AKR1C3: variants seen among roughly 807,000 people sequenced by gnomAD.
AKR1C3 encodes the protein aldo-keto reductase family 1 member C3.
In AKR1C3, 48 loss-of-function variants were observed where a neutral mutation model predicts 43.6. That is an observed-to-expected ratio of 1.10 (90% CI 0.87 to 1.40). The LOEUF is 1.40. Among genes scored for constraint, AKR1C3 ranks in the 40% most tolerant of loss-of-function variants. The pLI is 0.00. For synonymous variants in AKR1C3, 162 were observed against 139.6 expected (o/e 1.16, Z -1.13); for missense variants, 482 against 391.2 (o/e 1.23, Z -1.96).
chr10:5,082,402 A>G (rs1289500608), intron 1 of AKR1C3, among the ~76,000 whole-genome samples: 1 of 152,130 alleles, frequency 6.6e-6, no homozygotes, highest in East Asian at 1.9e-4. Context: ...TCTCCATGCA[A>G]TATGACATTG....
Position 5,098,449 on chromosome 10 carries a change from G to A in AKR1C3, c.370-353G>A, listed in dbSNP as rs149811461. 1.6e-3 allele frequency among the ~76,000 whole-genome samples: 247 copies of A among 152,264 alleles called. 2 individuals are homozygous for A. The highest frequency in any genetic ancestry group is 5.7e-3 in the African/African-American group (238 of 41,544). On this transcript the variant is annotated intron_variant, in intron 3 of 8. Coordinates refer to ENST00000380554, the MANE Select transcript of AKR1C3 (RefSeq NM_003739.6). The stretch of plus-strand genomic sequence containing the variant: ...GGTCTGATAATCCTACCGTGTACAA[G>A]AGTACAATCCATTATTTTTGGATAT...
intron 1 of AKR1C3, among the ~76,000 whole-genome samples, chr10:5,094,934 A>G (rs1274127554): frequency 3.3e-5 from 5 of 152,110 alleles, no homozygotes; most frequent in African/African-American, 1.2e-4. Context: ...AGCAAAAATT[A>G]CTGGATATGG....
At chr10:5,069,428 AAGTT>A (rs749442514) in intron 1 of AKR1C3, among the ~76,000 whole-genome samples, 10 of 152,224 alleles carry the variant, frequency 6.6e-5, no homozygotes, top group African/African-American at 1.7e-4. Flanking sequence ...AAAATCCAAA[AAGTT>A]AGTTAGAATT....
In AKR1C3 at chr10:5,099,322, C is replaced by T. The variant is rs781939740; in HGVS notation, c.448-5C>T. On this transcript the variant is annotated splice_polypyrimidine_tract_variant and splice_region_variant and intron_variant, in intron 4 of 8. Coordinates refer to ENST00000380554, the MANE Select transcript of AKR1C3 (RefSeq NM_003739.6). ...AATAATTCCTCACAACCCCTTTCTC[C>T]ACAGGCCATGGAGAAGTGTAAGGAT... The T allele has an allele frequency of 3.7e-6, 6 of 1,614,094 alleles. No homozygotes were observed. The East Asian group carries it at 8.9e-5, about 24-fold the overall frequency.
At chr10:5,084,109 C>T (rs182294804) in intron 1 of AKR1C3, among the ~76,000 whole-genome samples, 3 of 152,134 alleles carry the variant, frequency 2.0e-5, no homozygotes, top group Admixed American at 6.5e-5. Flanking sequence ...ATTTTGGCTT[C>T]TGTTGCCATT....
At chr10:5,050,795 C>G (rs1359074025) in intron 1 of AKR1C3, among the ~76,000 whole-genome samples, 1 of 152,010 alleles carries the variant, frequency 6.6e-6, no homozygotes, top group Non-Finnish European at 1.5e-5. Flanking sequence ...GATATTGGAC[C>G]CTGTATCATA....
At chr10:5,076,416 CT>C (rs1554781848) in intron 1 of AKR1C3, among the ~76,000 whole-genome samples, 2 of 152,112 alleles carry the variant, frequency 1.3e-5, no homozygotes, top group Non-Finnish European at 2.9e-5. Context: ...CTCTCTCTCT[CT>C]CTCTCCACTC....
At chr10:5,091,362 A>G (rs1218909328), upstream of AKR1C3, among the ~76,000 whole-genome samples, 2 of 152,168 alleles carry the variant, frequency 1.3e-5, no homozygotes, top group African/African-American at 2.4e-5. Flanking sequence ...AGAATTCCAA[A>G]GTCTGGTTCA....
chr10:5,084,669 G>C (rs1481378606), intron 1 of AKR1C3, among the ~76,000 whole-genome samples: 2 of 152,092 alleles, frequency 1.3e-5, no homozygotes, highest in Non-Finnish European at 1.5e-5. Flanking sequence ...ACCTTGGGCA[G>C]TATGGCCATT....
intron 1 of AKR1C3, among the ~76,000 whole-genome samples, chr10:5,055,846 C>T (rs1363203282): frequency 6.6e-6 from 1 of 152,210 alleles, no homozygotes; most frequent in African/African-American, 2.4e-5. Flanking sequence ...GGCTATCTTG[C>T]TGTATCTGGG....
intron 1 of AKR1C3, among the ~76,000 whole-genome samples, chr10:5,086,281 G>A (rs1259284634): frequency 6.6e-6 from 1 of 151,386 alleles, no homozygotes; most frequent in African/African-American, 2.4e-5. Flanking sequence ...TTGTGTCTTT[G>A]TTCTCATTGG....
chr10:5,082,301 T>C (rs1243128243), intron 1 of AKR1C3, among the ~76,000 whole-genome samples: 4 of 152,214 alleles, frequency 2.6e-5, no homozygotes, highest in Admixed American at 6.5e-5. Flanking sequence ...CTGATTGCCA[T>C]GAATAGTACT....
chr10:5,099,070 G>T (rs66712885), intron 4 of AKR1C3, among the ~76,000 whole-genome samples, 191 bp downstream of exon 4: 9,413 of 152,222 alleles, frequency 0.062, 344 homozygotes, highest in Middle Eastern at 0.085. Context: ...AGACTTGGGG[G>T]CAAGGAGGAC....
Position 5,102,150 on chromosome 10 carries a change from A to G in AKR1C3, c.620A>G (p.Lys207Arg). The change falls in exon 6 of 9, where the codon AAG becomes AGG. Residue 207 changes from lysine to arginine, a missense_variant. Lys to Arg is a conservative substitution (Grantham distance 26, BLOSUM62 2). Coordinates refer to ENST00000380554, the MANE Select transcript of AKR1C3 (RefSeq NM_003739.6). ...FNRSKLLDFC[K>R]SKDIVLVAYS... ...CGGAGTAAATTGCTAGATTTCTGCAAGTCGAAAGATATTGTTCTGGTTGCC... is the reference window on the plus strand; with the variant it reads ...CGGAGTAAATTGCTAGATTTCTGCAGGTCGAAAGATATTGTTCTGGTTGCC... 6.2e-7 allele frequency: 1 copy of G among 1,614,148 alleles called. No individual in the cohort carries two copies. The highest frequency in any genetic ancestry group is 8.5e-7 in the Non-Finnish European group (1 of 1,180,008).
At chr10:5,069,410 A>G (rs1460131332) in intron 1 of AKR1C3, among the ~76,000 whole-genome samples, 4 of 152,260 alleles carry the variant, frequency 2.6e-5, no homozygotes, top group African/African-American at 9.6e-5. Context: ...TAAACTGTCT[A>G]GAAGCCTAAA....
At chr10:5,087,712 CTTT>C (rs1293370713) in intron 1 of AKR1C3, among the ~76,000 whole-genome samples, 2 of 151,106 alleles carry the variant, frequency 1.3e-5, no homozygotes, top group African/African-American at 2.4e-5. Flanking sequence ...TTTGAATATT[CTTT>C]TTTTTTCTTT....
chr10:5,090,048 C>T (rs1839052805), upstream of AKR1C3, among the ~76,000 whole-genome samples: 1 of 152,172 alleles, frequency 6.6e-6, no homozygotes, highest in African/African-American at 2.4e-5. Context: ...ATTCACAGGC[C>T]AGTAGAGGGT....
chr10:5,048,833 T>C (rs555779924), exon 1 of AKR1C3: 755 of 1,613,934 alleles, frequency 4.7e-4, no homozygotes, highest in Non-Finnish European at 6.2e-4. Context: ...ACATCAGTGT[T>C]TGAAGCTAAA....
intron 1 of AKR1C3, among the ~76,000 whole-genome samples, chr10:5,060,188 CA>C (rs1554780074): frequency 6.6e-6 from 1 of 152,146 alleles, no homozygotes; most frequent in African/African-American, 2.4e-5. Flanking sequence ...TGAGCAGTAG[CA>C]AGATTTATTG....
Sources: gnomAD v4.1 joint callset for allele counts (sites outside exome capture counted in the v4.1 genomes callset) on GRCh38, gnomAD v4.1.1 for gene constraint, MANE v1.5 for transcripts, NCBI Gene and HGNC (gene_info 2026-07-23, HGNC 2026-07-21) for gene names.